Variants in ABCB4 observed in about 807,000 individuals in gnomAD.
ABCB4 encodes ATP binding cassette subfamily B member 4, also known as phosphatidylcholine translocator ABCB4.
Under a neutral mutation model 145.7 loss-of-function variants are expected in ABCB4, and 76 were observed. The observed-to-expected ratio is 0.52, with a 90% CI of 0.43 to 0.63. The LOEUF is 0.63. Ranked by LOEUF, ABCB4 falls within the 30% of genes least tolerant of loss-of-function variation. ABCB4 has a pLI of 0.00. For synonymous variants in ABCB4, 517 were observed against 566.8 expected (o/e 0.91, Z 1.25); for missense variants, 1,234 against 1,553.1 (o/e 0.79, Z 3.45).
At position 87,440,323 on chromosome 7, in the gene ABCB4, G is replaced by C. The variant is rs748657435; in HGVS notation, c.1436C>G (p.Pro479Arg). The C allele has an allele frequency of 6.2e-7, 1 of 1,613,900 alleles. No homozygotes were observed. Reference protein sequence around the residue: ...REIIGVVSQEPVLFSTTIAEN... With the variant: ...REIIGVVSQERVLFSTTIAEN... ...AGCAATTGTGGTGGAAAACAGCACC[G>C]GCTCCTGACTCACCACACCAATGAT... The change falls in exon 13 of 28, where the codon CCG becomes CGG. Residue 479 changes from proline (P) to arginine (R), a missense_variant. Physicochemically the swap from Pro to Arg is moderately radical, Grantham distance 103. Transcript: ENST00000649586.
the ABCB4 span, among the ~76,000 whole-genome samples, chr7:87,367,978 T>G: frequency 6.6e-6 from 1 of 152,188 alleles, no homozygotes; most frequent in Non-Finnish European, 1.5e-5. Context: ...ACATTATCAC[T>G]CCCTTGCTTA....
chr7:87,380,675 C>A, the ABCB4 span, among the ~76,000 whole-genome samples: 3 of 152,204 alleles, frequency 2.0e-5, no homozygotes, highest in African/African-American at 7.2e-5. Context: ...TTTCTACCTT[C>A]TTTGAGATTA....
At chr7:87,472,489 G>T in intron 3 of ABCB4, 132 bp downstream of exon 3, 1 of 788,158 alleles carries the variant, frequency 1.3e-6, no homozygotes, top group Non-Finnish European at 2.1e-6. Context: ...CTCCCAAAGT[G>T]CTGGGATTAC....
intron 21 of ABCB4, among the ~76,000 whole-genome samples, chr7:87,416,112 T>C (rs1418421458): frequency 6.6e-6 from 1 of 152,122 alleles, no homozygotes; most frequent in East Asian, 1.9e-4. Flanking sequence ...CTCCAAGTCT[T>C]GGAGAGGATG....
At chr7:87,414,761 C>T (rs1446004751) in intron 21 of ABCB4, among the ~76,000 whole-genome samples, 2 of 151,960 alleles carry the variant, frequency 1.3e-5, no homozygotes, top group Non-Finnish European at 1.5e-5. Context: ...ATAGATTTTT[C>T]ATTTGTAATA....
intron 21 of ABCB4, among the ~76,000 whole-genome samples, chr7:87,413,986 G>C (rs2116428300): frequency 6.6e-6 from 1 of 152,280 alleles, no homozygotes; most frequent in South Asian, 2.1e-4. Context: ...GGGAACCAAG[G>C]GCCTGGTTCT....
intron 4 of ABCB4, among the ~76,000 whole-genome samples, chr7:87,459,395 T>G (rs563815466): frequency 6.6e-6 from 1 of 152,320 alleles, no homozygotes; most frequent in South Asian, 2.1e-4. Context: ...TCGAACAGTA[T>G]TTATCTTTTT....
At chr7:87,449,887 T>TA (rs1423207824) in intron 8 of ABCB4, 81 bp downstream of exon 8, 5 of 1,609,508 alleles carry the variant, frequency 3.1e-6, no homozygotes, top group East Asian at 2.2e-5. Context: ...AAAGGGAAGG[T>TA]AAAAAACACA....
At chr7:87,368,193 T>C in the ABCB4 span, among the ~76,000 whole-genome samples, 103 of 152,336 alleles carry the variant, frequency 6.8e-4, 1 homozygote, top group East Asian at 0.018. Flanking sequence ...TCTGCGGGTA[T>C]TTACATGGCG....
chr7:87,458,517 A>G (rs1037390681), intron 4 of ABCB4, among the ~76,000 whole-genome samples: 1 of 152,196 alleles, frequency 6.6e-6, no homozygotes, highest in African/African-American at 2.4e-5. Flanking sequence ...AAACATCTCT[A>G]AGAGATAAGC....
intron 5 of ABCB4, 85 bp downstream of exon 5, chr7:87,454,450 C>T (rs994313928): frequency 8.5e-5 from 94 of 1,107,938 alleles, no homozygotes; most frequent in Non-Finnish European, 8.0e-5. Context: ...AAAGAGTACA[C>T]GTTATTTGTA....
At chr7:87,376,327 C>T in the ABCB4 span, among the ~76,000 whole-genome samples, 5 of 152,168 alleles carry the variant, frequency 3.3e-5, no homozygotes, top group South Asian at 2.1e-4. Context: ...ACTAGTGTAT[C>T]TTGACACCAT....
At chr7:87,442,721 T>G (rs1219849304) in intron 12 of ABCB4, among the ~76,000 whole-genome samples, 1 of 152,092 alleles carries the variant, frequency 6.6e-6, no homozygotes, top group Admixed American at 6.6e-5. Context: ...AATCTAAATC[T>G]GGGTGAAGGA....
chr7:87,373,699 C>G, the ABCB4 span, among the ~76,000 whole-genome samples: 1 of 151,910 alleles, frequency 6.6e-6, no homozygotes, highest in South Asian at 2.1e-4. Context: ...AGTTGGTTGC[C>G]TCTTACATAA....
intron 17 of ABCB4, chr7:87,423,652 A>G (rs1160647380): frequency 2.1e-6 from 1 of 483,008 alleles, no homozygotes; most frequent in Non-Finnish European, 3.8e-6. Flanking sequence ...AGTTTCACCA[A>G]ATGAAGAGAG....
chr7:87,411,770 G>A, intron 23 of ABCB4, 123 bp downstream of exon 23: 1 of 870,742 alleles, frequency 1.1e-6, no homozygotes, highest in East Asian at 2.7e-5. Context: ...GGAAACTGTG[G>A]TAAATTTAAA....
At chr7:87,398,681 C>T (rs767872459), downstream of ABCB4, 21 of 1,594,828 alleles carry the variant, frequency 1.3e-5, no homozygotes, top group Non-Finnish European at 1.5e-5. Flanking sequence ...CAAAACATAT[C>T]ATTAAACTGA....
chr7:87,387,450 A>G, the ABCB4 span, among the ~76,000 whole-genome samples: 8 of 151,210 alleles, frequency 5.3e-5, no homozygotes, highest in Non-Finnish European at 1.0e-4. Flanking sequence ...TTTATTTCCA[A>G]CATGAGCTAT....
At chr7:87,451,582 G>A in intron 7 of ABCB4, 41 bp downstream of exon 7, 2 of 1,610,996 alleles carry the variant, frequency 1.2e-6, no homozygotes, top group South Asian at 2.2e-5. Flanking sequence ...ATTACTGTGT[G>A]CAGGGGTTAA....
Sources: gnomAD v4.1 joint callset for allele counts (sites outside exome capture counted in the v4.1 genomes callset) on GRCh38, gnomAD v4.1.1 for gene constraint, MANE v1.5 for transcripts, NCBI Gene and HGNC (gene_info 2026-07-23, HGNC 2026-07-21) for gene names.